The following ANKRD26 variants were observed in gnomAD, a reference collection of about 807,000 sequenced individuals.
ANKRD26 encodes ankyrin repeat domain 26.
ANKRD26 carries 141 observed loss-of-function variants against 208.7 expected under a neutral mutation model. The observed-to-expected ratio is 0.68, with a 90% CI of 0.59 to 0.78. The LOEUF (loss-of-function observed/expected upper bound fraction) is 0.78. Ranked by LOEUF, ANKRD26 falls within the 30% of genes least tolerant of loss-of-function variation. The probability of loss-of-function intolerance (pLI) is 0.00; values close to 1 mark genes in which losing one functional copy is unlikely to be tolerated. For synonymous variants in ANKRD26, 636 were observed against 660.4 expected, an observed-to-expected ratio of 0.96 and a Z score of 0.57; for missense variants, 1,889 against 1,938.7, an observed-to-expected ratio of 0.97 and a Z score of 0.48.
chr10:27,025,739 C>CT (rs1283338686), intron 27 of ANKRD26, among the ~76,000 whole-genome samples: 7 of 152,134 alleles, frequency 4.6e-5, no homozygotes, highest in African/African-American at 1.7e-4. Context: ...TTCCATTCCT[C>CT]TTTTTTAAAT....
intron 9 of ANKRD26, 135 bp from the exon 10 acceptor site, chr10:27,067,421 G>GTTT: frequency 3.9e-5 from 31 of 799,176 alleles, no homozygotes; most frequent in Middle Eastern, 2.9e-4. Flanking sequence ...TGGGGGCATA[G>GTTT]TTTTTTTTTT....
chr10:27,060,441 GATTA>G (rs2055014984), intron 14 of ANKRD26, 24 bp from the exon 15 acceptor site: 1 of 1,585,430 alleles, frequency 6.3e-7, no homozygotes, highest in African/African-American at 1.3e-5. Context: ...GAAACAAAAT[GATTA>G]ATAAATAATG....
At chr10:27,071,558 T>C (rs890792461) in intron 9 of ANKRD26, among the ~76,000 whole-genome samples, 1 of 152,148 alleles carries the variant, frequency 6.6e-6, no homozygotes, top group African/African-American at 2.4e-5. Flanking sequence ...TGGGAGGCAC[T>C]GTGACCAAGA....
chr10:27,086,397 T>C, intron 5 of ANKRD26, 142 bp downstream of exon 5: 1 of 1,063,786 alleles, frequency 9.4e-7, no homozygotes, highest in Non-Finnish European at 1.3e-6. Context: ...AATTCTAGAT[T>C]ACCAAGAGAA....
At position 27,100,099 on chromosome 10, in the gene ANKRD26, T is replaced by G. The variant is rs765424230; in HGVS notation, c.228A>C (p.Arg76Ser). 3.2e-5 allele frequency: 52 copies of G among 1,613,920 alleles called. No homozygotes were observed. The highest frequency in any genetic ancestry group is 5.9e-6 in the Non-Finnish European group (7 of 1,179,966). The change falls in exon 1 of 34, where the codon AGA becomes AGC. Residue 76 changes from arginine (R) to serine (S), a missense_variant. Transcript: ENST00000376087. ...ACGCCTATTACCTGTTCATCTTGTC[T>G]CTATCGTTCAAGCCATTCTTCCTGA... ...LLLRKNGLND[R>S]DKMNRTALHL...
the ANKRD26 span, among the ~76,000 whole-genome samples, chr10:26,958,821 T>C: frequency 6.6e-6 from 1 of 152,232 alleles, no homozygotes; most frequent in African/African-American, 2.4e-5. Flanking sequence ...TCTGGGTATA[T>C]ACCCAGTAAT....
chr10:26,958,073 T>TTATATATATATATA, the ANKRD26 span, among the ~76,000 whole-genome samples: 1 of 144,160 alleles, frequency 6.9e-6, no homozygotes, highest in African/African-American at 2.6e-5. Flanking sequence ...TCACCCAGTT[T>TTATATATATATATA]TATATATATA....
At chr10:27,011,324 C>CTGTTTTT (rs2053099154) in intron 32 of ANKRD26, among the ~76,000 whole-genome samples, 1 of 152,124 alleles carries the variant, frequency 6.6e-6, no homozygotes, top group African/African-American at 2.4e-5. Flanking sequence ...CTGCTATTCA[C>CTGTTTTT]AGTTGCAGTA....
intron 30 of ANKRD26, among the ~76,000 whole-genome samples, chr10:27,016,818 G>A (rs2053309037): frequency 6.6e-6 from 1 of 151,980 alleles, no homozygotes; most frequent in Admixed American, 6.6e-5. Flanking sequence ...GGTAATTATT[G>A]TGTATTTTTT....
At chr10:27,042,443 C>T (rs2054274280) in intron 20 of ANKRD26, among the ~76,000 whole-genome samples, 1 of 151,736 alleles carries the variant, frequency 6.6e-6, no homozygotes. Flanking sequence ...ATGATGAAAC[C>T]CCGCCTCTAT....
chr10:26,978,280 C>A (rs1298505474), intron 5 of ANKRD26, among the ~76,000 whole-genome samples: 1 of 151,766 alleles, frequency 6.6e-6, no homozygotes, highest in South Asian at 2.1e-4. Flanking sequence ...CATGGTGAAA[C>A]CCTGTCTCTA....
chr10:27,005,060 G>C lies in ANKRD26; in HGVS notation c.*530C>G, dbSNP rs886046941. On this transcript the variant is annotated 3_prime_UTR_variant, in exon 34 of 34. Coordinates refer to ENST00000376087, the MANE Select transcript of ANKRD26 (RefSeq NM_014915.3). ...CTAAACTGAAGGCTATTTCCAAAAG[G>C]TTAATTAAAAATAAATAAACAAACA... 1.1e-5 allele frequency: 11 copies of C among 984,872 alleles called. No homozygotes were observed. Among genetic ancestry groups the C allele is most frequent in the Non-Finnish European group, 1.2e-5 (10 of 829,568 alleles). The allele number at this position is 984,872 out of a possible 1,614,324, so 61.0% of individuals were successfully genotyped here.
chr10:26,993,821 G>A (rs879853744), intron 5 of ANKRD26, among the ~76,000 whole-genome samples: 5 of 152,210 alleles, frequency 3.3e-5, no homozygotes, highest in South Asian at 2.1e-4. Flanking sequence ...AAAGAGGCAT[G>A]AGTCTGCATA....
chr10:27,065,014 G>A (rs2135477898), intron 11 of ANKRD26, among the ~76,000 whole-genome samples: 1 of 152,294 alleles, frequency 6.6e-6, no homozygotes, highest in East Asian at 1.9e-4. Context: ...AAAGCAAAAT[G>A]ATGAACAGAT....
intron 29 of ANKRD26, 81 bp from the exon 30 acceptor site, chr10:27,017,873 G>T: frequency 1.5e-6 from 2 of 1,363,546 alleles, no homozygotes; most frequent in Non-Finnish European, 2.0e-6. Context: ...AACAAATTTT[G>T]AAATAAATTC....
intron 29 of ANKRD26, among the ~76,000 whole-genome samples, chr10:27,020,224 T>C (rs1417166185): frequency 6.6e-6 from 1 of 152,260 alleles, no homozygotes; most frequent in East Asian, 1.9e-4. Flanking sequence ...TTTTAATAGA[T>C]GTATACAATG....
At position 27,017,769 on chromosome 10, in the gene ANKRD26, C is replaced by T. The variant is rs893314994; in HGVS notation, c.4239G>A (p.Leu1413=). 3 of 1,612,596 alleles carry T rather than the reference C, an allele frequency of 1.9e-6. No individual in the cohort carries two copies. The African/African-American group carries it at 4.0e-5, about 22-fold the overall frequency. Residue 1413 remains leucine, a synonymous_variant, in exon 30 of 34, where the codon CTG becomes CTA. Coordinates refer to ENST00000376087, the MANE Select transcript of ANKRD26 (RefSeq NM_014915.3). ...GTAGACATTTTGAACCTGCAGTCTC[C>T]AGTTCTGCTGTAAGATCATCAATCT... The part of the protein sequence containing the change: ...KHKIDDLTAE[L]ETAGSKCLHL...
downstream of ANKRD26, among the ~76,000 whole-genome samples, chr10:27,000,110 T>A (rs1165749175): frequency 6.9e-6 from 1 of 144,980 alleles, no homozygotes; most frequent in Non-Finnish European, 1.5e-5. Flanking sequence ...AGGAAAAAAG[T>A]TTTTTACAGC....
chr10:26,975,120 T>C (rs900305058), exon 6 of ANKRD26, among the ~76,000 whole-genome samples: 1 of 152,244 alleles, frequency 6.6e-6, no homozygotes, highest in African/African-American at 2.4e-5. Context: ...TAAAAGTGTA[T>C]GTTAAATTAG....
Sources: gnomAD v4.1 joint callset for allele counts (sites outside exome capture counted in the v4.1 genomes callset) on GRCh38, gnomAD v4.1.1 for gene constraint, MANE v1.5 for transcripts, NCBI Gene and HGNC (gene_info 2026-07-23, HGNC 2026-07-21) for gene names.